FAM120B: variants seen among roughly 807,000 people sequenced by gnomAD.
FAM120B encodes the protein family with sequence similarity 120 member B, also known as constitutive coactivator of peroxisome proliferator-activated receptor gamma.
Under a neutral mutation model 96.3 loss-of-function variants are expected in FAM120B, and 83 were observed. The observed-to-expected ratio is 0.86, with a 90% CI of 0.72 to 1.03. FAM120B has a LOEUF of 1.03. Among genes scored for constraint, FAM120B ranks in the 50% least tolerant of loss-of-function variants. The pLI is 0.00. For synonymous variants in FAM120B, 407 were observed against 402.7 expected (o/e 1.01, Z -0.13); for missense variants, 1,027 against 1,121.2 (o/e 0.92, Z 1.20).
chr6:170,315,598 G>A (rs1784853110), intron 1 of FAM120B, among the ~76,000 whole-genome samples: 2 of 150,206 alleles, frequency 1.3e-5, no homozygotes, highest in African/African-American at 4.9e-5. Context: ...TGGTGTAGAT[G>A]TGTGAATGTA....
chr6:170,347,480 T>G (rs1445427431), intron 4 of FAM120B, among the ~76,000 whole-genome samples: 1 of 152,216 alleles, frequency 6.6e-6, no homozygotes. Context: ...TTTTAATAGT[T>G]TAAACATCTA....
At chr6:170,334,888 A>T (rs1786306940) in intron 4 of FAM120B, among the ~76,000 whole-genome samples, 1 of 152,158 alleles carries the variant, frequency 6.6e-6, no homozygotes, top group Non-Finnish European at 1.5e-5. Flanking sequence ...AAACTTATCC[A>T]TGTAAGTATA....
chr6:170,388,347 A>T lies in FAM120B; in HGVS notation c.2344A>T (p.Thr782Ser). ...LGSLLVRGLTTLVLVNSACGF... is the reference protein window; with the variant it reads ...LGSLLVRGLTSLVLVNSACGF... ...CTCCCTTCTCGTCCGCGGCCTCACC[A>T]CTCTGGTTTTAGTCAACAGCGCATG... Residue 782 changes from threonine to serine, a missense_variant, in exon 7 of 11, where the codon ACT becomes TCT. Transcript: ENST00000476287. 6.2e-7 allele frequency: 1 copy of T among 1,613,796 alleles called. No individual in the cohort carries two copies. The highest frequency in any genetic ancestry group is 8.5e-7 in the Non-Finnish European group (1 of 1,179,960).
intron 3 of FAM120B, among the ~76,000 whole-genome samples, chr6:170,327,104 T>G (rs369923983): frequency 1.3e-5 from 2 of 152,032 alleles, no homozygotes; most frequent in African/African-American, 2.4e-5. Context: ...TGGAGGGCAG[T>G]AGCACAATCT....
intron 8 of FAM120B, among the ~76,000 whole-genome samples, chr6:170,392,366 C>G (rs2115322590): frequency 6.6e-6 from 1 of 152,230 alleles, no homozygotes; most frequent in South Asian, 2.1e-4. Flanking sequence ...TGCCACCACG[C>G]CCGGCTAATT....
intron 3 of FAM120B, 127 bp downstream of exon 3, chr6:170,323,386 C>A: frequency 2.7e-6 from 2 of 747,238 alleles, no homozygotes; most frequent in South Asian, 4.1e-5. Flanking sequence ...ATATCCCTGT[C>A]AAATCTATAA....
chr6:170,380,347 A>C (rs1789831337), intron 6 of FAM120B, among the ~76,000 whole-genome samples: 3 of 152,156 alleles, frequency 2.0e-5, no homozygotes. Flanking sequence ...TACTGATTTC[A>C]GTTGCTTTGG....
At chr6:170,400,718 A>T (rs191146041) in intron 9 of FAM120B, among the ~76,000 whole-genome samples, 2 of 152,346 alleles carry the variant, frequency 1.3e-5, no homozygotes, top group Admixed American at 1.3e-4. Context: ...TTTATGTCAA[A>T]CTATTTTGTT....
At chr6:170,292,674 A>G (rs1783913017), upstream of FAM120B, among the ~76,000 whole-genome samples, 1 of 152,324 alleles carries the variant, frequency 6.6e-6, no homozygotes, top group South Asian at 2.1e-4. This position sits in a 1 kb window ranked among gnomAD's most constrained non-coding sequence, Gnocchi z 6.6. Context: ...CAGAAATCTG[A>G]AGGTCACGTG....
At chr6:170,311,093 G>A (rs1784564273) in intron 1 of FAM120B, among the ~76,000 whole-genome samples, 2 of 152,228 alleles carry the variant, frequency 1.3e-5, no homozygotes, top group South Asian at 4.1e-4. Context: ...AGAATAGGGA[G>A]GGAGAGTGGA....
Position 170,317,979 on chromosome 6 carries a change from TG to T in FAM120B, c.590del (p.Cys197SerfsTer2). 6.2e-7 allele frequency: 1 copy of T among 1,613,808 alleles called. No homozygotes were observed. Among genetic ancestry groups the T allele is most frequent in the Non-Finnish European group, 8.5e-7 (1 of 1,179,758 alleles). The stretch of plus-strand genomic sequence containing the variant: ...TCCCTACTTTTCAATTAGCGAGCTC[TG>T]CCTAGAGAGCCTGGACACCGTCATG... ...TCPYFSISEL[C>X]LESLDTVMLC... On this transcript the variant is annotated frameshift_variant, in exon 2 of 11. Coordinates refer to ENST00000476287, the MANE Select transcript of FAM120B (RefSeq NM_032448.3). LOFTEE classifies it high-confidence loss of function.
intron 4 of FAM120B, among the ~76,000 whole-genome samples, chr6:170,341,067 C>T (rs1460780415): frequency 1.3e-5 from 2 of 152,240 alleles, no homozygotes; most frequent in Non-Finnish European, 2.9e-5. Context: ...GCAGAGCCGT[C>T]AGGCAGGAAC....
At chr6:170,371,237 A>T (rs1382310708) in intron 6 of FAM120B, among the ~76,000 whole-genome samples, 1 of 151,910 alleles carries the variant, frequency 6.6e-6, no homozygotes, top group Non-Finnish European at 1.5e-5. Context: ...TAAACATGAC[A>T]TCGCACAGTT....
At chr6:170,295,319 A>G (rs556706334), upstream of FAM120B, 42 of 693,406 alleles carry the variant, frequency 6.1e-5, no homozygotes, top group Non-Finnish European at 7.9e-5. This position sits in a 1 kb window ranked among gnomAD's most constrained non-coding sequence, Gnocchi z 7.8. Flanking sequence ...AGATGTGTTC[A>G]CACTCGGTTG....
At position 170,363,266 on chromosome 6, in the gene FAM120B, G is replaced by A. The variant is rs1788576759; in HGVS notation, c.2283+4948G>A. 6.6e-6 allele frequency among the ~76,000 whole-genome samples: 1 copy of A among 152,102 alleles called. No homozygotes were observed. The highest frequency in any genetic ancestry group is 2.1e-4 in the South Asian group (1 of 4,828). On this transcript the variant is annotated intron_variant, in intron 6 of 10. Transcript: ENST00000476287. This position sits in a 1 kb window ranked among gnomAD's most constrained non-coding sequence, Gnocchi z 4.5. ...CATAGCTAATCATTGGGAAGTTCTTGGTCATTTTTTGGTTGGAAAATTAAA... is the reference window on the plus strand; with the variant it reads ...CATAGCTAATCATTGGGAAGTTCTTAGTCATTTTTTGGTTGGAAAATTAAA...
At chr6:170,387,590 T>G (rs973726487) in intron 6 of FAM120B, among the ~76,000 whole-genome samples, 1 of 152,200 alleles carries the variant, frequency 6.6e-6, no homozygotes, top group Non-Finnish European at 1.5e-5. Flanking sequence ...CTTCCCCGTT[T>G]GAGAACAGAA....
At chr6:170,381,417 C>G (rs1789893704) in intron 6 of FAM120B, among the ~76,000 whole-genome samples, 1 of 152,140 alleles carries the variant, frequency 6.6e-6, no homozygotes, top group Non-Finnish European at 1.5e-5. Context: ...AAAGAGGTCT[C>G]TAGCCCAGAG....
chr6:170,374,778 G>T (rs146791693), intron 6 of FAM120B, among the ~76,000 whole-genome samples: 14 of 152,340 alleles, frequency 9.2e-5, no homozygotes, highest in Admixed American at 2.0e-4. Flanking sequence ...ATGAACGGGT[G>T]ATGTCACTTT....
At chr6:170,299,153 A>C (rs1299897003) in intron 1 of FAM120B, among the ~76,000 whole-genome samples, 1 of 152,204 alleles carries the variant, frequency 6.6e-6, no homozygotes, top group Non-Finnish European at 1.5e-5. Context: ...TAGTGAGGCT[A>C]TTAGCACCTG....
Sources: gnomAD v4.1 joint callset for allele counts (sites outside exome capture counted in the v4.1 genomes callset) on GRCh38, gnomAD v4.1.1 for gene constraint, Gnocchi (gnomAD v3.1) non-coding constraint, MANE v1.5 for transcripts, NCBI Gene and HGNC (gene_info 2026-07-23, HGNC 2026-07-21) for gene names.